Variants in IGF2R observed in about 807,000 individuals in gnomAD.
IGF2R encodes the protein cation-independent mannose-6-phosphate receptor.
IGF2R carries 91 observed loss-of-function variants against 270.6 expected under a neutral mutation model. The observed-to-expected ratio is 0.34, with a 90% CI of 0.28 to 0.40. The LOEUF (loss-of-function observed/expected upper bound fraction) is 0.40. IGF2R is among the 10% of genes least tolerant of loss of function. IGF2R has a pLI of 1.00. For missense variants in IGF2R, 2,805 were observed against 3,188.3 expected, an observed-to-expected ratio of 0.88 and a Z score of 2.90; for synonymous variants, 1,316 against 1,258.9, an observed-to-expected ratio of 1.05 and a Z score of -0.96.
At chr6:160,036,634 C>G (rs549220631) in intron 10 of IGF2R, among the ~76,000 whole-genome samples, 1 of 151,960 alleles carries the variant, frequency 6.6e-6, no homozygotes. Flanking sequence ...CCAAAAAGAT[C>G]GAAATGGACG....
intron 1 of IGF2R, among the ~76,000 whole-genome samples, chr6:159,987,251 G>A (rs998089986): frequency 1.3e-5 from 2 of 152,162 alleles, no homozygotes; most frequent in Non-Finnish European, 2.9e-5. Flanking sequence ...TTACTTTAGT[G>A]GAAACATATC....
chr6:160,073,428 C>T lies in IGF2R; in HGVS notation c.4906C>T (p.Leu1636Phe), dbSNP rs1458915239. 6 of 1,614,170 alleles carry T rather than the reference C, an allele frequency of 3.7e-6. No individual in the cohort carries two copies. Among genetic ancestry groups the T allele is most frequent in the Middle Eastern group, 1.6e-4 (1 of 6,084 alleles). The stretch of plus-strand genomic sequence containing the variant: ...CTCCCTGGACAAGCAGACATGCACT[C>T]TCTTCTTCTCCTGGCACACGCCGCT... The part of the protein sequence containing the change: ...LISLDKQTCT[L>F]FFSWHTPLAC... The change falls in exon 34 of 48, where the codon CTC (leucine) becomes TTC (phenylalanine). Residue 1636 changes from leucine (L) to phenylalanine (F), a missense_variant. Physicochemically the swap from Leu to Phe is conservative, Grantham distance 22 (BLOSUM62 0). Coordinates refer to ENST00000356956, the MANE Select transcript of IGF2R (RefSeq NM_000876.4).
At chr6:159,976,377 G>A (rs141164291) in intron 1 of IGF2R, among the ~76,000 whole-genome samples, 3 of 152,028 alleles carry the variant, frequency 2.0e-5, no homozygotes, top group East Asian at 3.9e-4. Flanking sequence ...GTTTACTTGT[G>A]TACTTTTTTC....
intron 1 of IGF2R, among the ~76,000 whole-genome samples, chr6:159,971,788 C>T (rs187956438): frequency 1.3e-3 from 202 of 152,314 alleles, no homozygotes; most frequent in African/African-American, 4.6e-3. Context: ...GCTGGGATTA[C>T]AGGTGTGTGC....
At chr6:160,087,997 A>G (rs750514587) in intron 41 of IGF2R, 36 bp from the exon 42 acceptor site, 7 of 1,363,670 alleles carry the variant, frequency 5.1e-6, no homozygotes, top group Admixed American at 3.4e-5. Context: ...ATAATGCACT[A>G]GAAATAATGT....
At chr6:159,981,586 G>C (rs143879258) in intron 1 of IGF2R, among the ~76,000 whole-genome samples, 1,770 of 152,316 alleles carry the variant, frequency 0.012, 23 homozygotes, top group Admixed American at 0.017. Context: ...TGTTTCGATA[G>C]CTCTGTGTTC....
chr6:160,084,056 G>A lies in IGF2R; in HGVS notation c.5940G>A (p.Glu1980=). The change falls in exon 40 of 48, where the codon GAG becomes GAA. Residue 1980 remains glutamate (E), a synonymous_variant. Transcript: ENST00000356956. The surrounding 1 kb of genome is among the most constrained non-coding windows in gnomAD (Gnocchi z 4.6). ...SEVRGCDVTF[E]WKTKVVCPPK... is the part of the protein sequence containing the mutation. ...TGCGTGGGTGTGATGTGACATTTGA[G>A]TGGAAAACAAAAGTTGTCTGCCCTC... 1.9e-6 allele frequency: 3 copies of A among 1,614,174 alleles called. No individual in the cohort carries two copies. The highest frequency in any genetic ancestry group is 2.2e-5 in the East Asian group (1 of 44,888).
In IGF2R at chr6:160,050,445, A is replaced by G; in HGVS notation, c.2515-28A>G. 1.3e-6 allele frequency: 2 copies of G among 1,588,800 alleles called. No homozygotes were observed. The highest frequency in any genetic ancestry group is 1.7e-6 in the Non-Finnish European group (2 of 1,161,920). On this transcript the variant is annotated intron_variant, in intron 18 of 47. Coordinates refer to ENST00000356956, the MANE Select transcript of IGF2R (RefSeq NM_000876.4). The surrounding 1 kb of genome is among the most constrained non-coding windows in gnomAD (Gnocchi z 4.0). ...GAATCGACTGTATCTTCAGGGGGAA[A>G]AGCCTAACAAGACTGGTTTTCTTGC...
intron 32 of IGF2R, among the ~76,000 whole-genome samples, chr6:160,072,355 G>A (rs1227191132): frequency 6.6e-6 from 1 of 152,180 alleles, no homozygotes; most frequent in Non-Finnish European, 1.5e-5. Context: ...GCAGGTTAGA[G>A]CTAGCCCCTG....
intron 44 of IGF2R, among the ~76,000 whole-genome samples, chr6:160,092,161 C>T (rs1441659343): frequency 1.1e-4 from 2 of 18,460 alleles, no homozygotes; most frequent in African/African-American, 3.0e-4. Flanking sequence ...AGCAGGGTGA[C>T]ACCGCTGGTG....
At chr6:159,980,220 AAAGAAAG>A (rs1194805926) in intron 1 of IGF2R, among the ~76,000 whole-genome samples, 2 of 135,722 alleles carry the variant, frequency 1.5e-5, no homozygotes, top group African/African-American at 6.1e-5. Flanking sequence ...AGAAAGAAAG[AAAGAAAG>A]AAAGAAAGAA....
chr6:159,976,278 T>A lies in IGF2R; in HGVS notation c.149+6883T>A, dbSNP rs541828196. ...TCTATTTTCCTAGAAAATTGTCATT[T>A]TAATTGTGTATTCATATTTAATAAG... On this transcript the variant is annotated intron_variant, in intron 1 of 47. Transcript: ENST00000356956. Among the ~76,000 whole-genome samples the A allele has an allele frequency of 6.6e-5, 10 of 152,310 alleles. No homozygotes were observed. In the South Asian group the frequency reaches 1.9e-3, roughly 28 times the overall value.
rs1182261821 is a variant in IGF2R at position 160,107,756 on chromosome 6, TCAC to T, written c.*2675_*2677del. On this transcript the variant is annotated 3_prime_UTR_variant, in exon 48 of 48. Transcript: ENST00000356956. ...TTTAAGAGCATCTGAAGCCTGTACTTCACCAACCCTAAAATAATACGTAACACG... is the reference window on the plus strand; with the variant it reads ...TTTAAGAGCATCTGAAGCCTGTACTTCAACCCTAAAATAATACGTAACACG... 6.6e-6 allele frequency: 1 copy of T among 152,178 alleles called. No homozygotes were observed. Among genetic ancestry groups the T allele is most frequent in the Non-Finnish European group, 1.5e-5 (1 of 68,030 alleles). The allele number at this position is 152,178 out of a possible 1,614,324, so 9.4% of individuals were successfully genotyped here.
At chr6:160,094,154 C>A in intron 44 of IGF2R, 1 of 405,222 alleles carries the variant, frequency 2.5e-6, no homozygotes, top group South Asian at 2.0e-5. Context: ...TCAACACAAA[C>A]CTGCTTTTGG....
Position 160,090,031 on chromosome 6 carries a change from C to T in IGF2R, c.6583C>T (p.Gln2195Ter). Residue 2195 changes from glutamine (Q) to a stop codon, truncating the protein, a stop_gained, in exon 44 of 48, where the codon CAG (glutamine) becomes TAG (stop). Transcript: ENST00000356956. LOFTEE classifies it high-confidence loss of function. ...GGCGTGCTCTGGAGCCAACATATGC[C>T]AGGTGAAGCCCAACGATCAGCACTT... Reference protein sequence around the residue: ...NPACSGANICQVKPNDQHFSR... With the variant: ...NPACSGANIC 6.2e-7 allele frequency: 1 copy of T among 1,603,478 alleles called. No homozygotes were observed. Among genetic ancestry groups the T allele is most frequent in the Non-Finnish European group, 8.5e-7 (1 of 1,175,054 alleles).
chr6:160,003,569 ATTTAC>A (rs1322951336), intron 2 of IGF2R: 2 of 152,174 alleles, frequency 1.3e-5, no homozygotes, highest in Non-Finnish European at 2.9e-5. Context: ...TTTTCTTCTT[ATTTAC>A]TTGGTTAAAT....
At chr6:159,975,392 A>G (rs1211624643) in intron 1 of IGF2R, among the ~76,000 whole-genome samples, 1 of 152,280 alleles carries the variant, frequency 6.6e-6, no homozygotes, top group African/African-American at 2.4e-5. Context: ...CGTGCATTCA[A>G]CTATTTGGAA....
intron 1 of IGF2R, among the ~76,000 whole-genome samples, chr6:159,987,123 C>A (rs1297253937): frequency 6.6e-6 from 1 of 152,042 alleles, no homozygotes; most frequent in African/African-American, 2.4e-5. Flanking sequence ...AGGGGCTTGG[C>A]CTTTAATCTG....
intron 4 of IGF2R, among the ~76,000 whole-genome samples, chr6:160,020,738 C>T (rs1777413213): frequency 6.6e-6 from 1 of 152,148 alleles, no homozygotes; most frequent in East Asian, 1.9e-4. Flanking sequence ...AACTGGACAG[C>T]CATATGCGGA....
Sources: gnomAD v4.1 joint callset for allele counts (sites outside exome capture counted in the v4.1 genomes callset) on GRCh38, gnomAD v4.1.1 for gene constraint, Gnocchi (gnomAD v3.1) non-coding constraint, MANE v1.5 for transcripts, NCBI Gene and HGNC (gene_info 2026-07-23, HGNC 2026-07-21) for gene names.